BIRC3: variants seen among roughly 807,000 people sequenced by gnomAD.
BIRC3 encodes the protein baculoviral IAP repeat-containing protein 3.
BIRC3 carries 26 observed loss-of-function variants against 59.0 expected under a neutral mutation model. That is an observed-to-expected ratio of 0.44 (90% confidence interval 0.32 to 0.61). The LOEUF (loss-of-function observed/expected upper bound fraction) is 0.61, where lower values mean the gene tolerates loss of function less well. BIRC3 is among the 20% of genes least tolerant of loss of function. The pLI is 0.04. For missense variants in BIRC3, 641 were observed against 711.5 expected (o/e 0.90, Z 1.13); for synonymous variants, 243 against 249.2 (o/e 0.98, Z 0.24).
chr11:102,327,139 C>A (rs1951091305), intron 3 of BIRC3, among the ~76,000 whole-genome samples: 1 of 152,180 alleles, frequency 6.6e-6, no homozygotes, highest in Non-Finnish European at 1.5e-5. Flanking sequence ...ACCTGCCTTT[C>A]ACTGCAATAT....
In BIRC3 at chr11:102,324,411, G is replaced by T; in HGVS notation, c.-99G>T. 5 of 1,375,690 alleles carry T rather than the reference G, an allele frequency of 3.6e-6. No individual in the cohort carries two copies. The highest frequency in any genetic ancestry group is 1.5e-5 in the African/African-American group (1 of 68,592). 85.2% of individuals were successfully genotyped at this position (1,375,690 alleles called of 1,614,324 possible). A position where few individuals can be genotyped will look rare whatever the true frequency, so the allele number is the denominator to read the frequency against. ...AAATAATAAAAAATTTTTCATTTTG[G>T]CTTTTCAGCCTAGTATTAAAACTGA... On this transcript the variant is annotated 5_prime_UTR_variant, in exon 2 of 9. Transcript: ENST00000263464.
intron 1 of BIRC3, 86 bp downstream of exon 1, chr11:102,317,657 A>G (rs2135778581): frequency 6.5e-6 from 1 of 152,790 alleles, no homozygotes; most frequent in Middle Eastern, 3.3e-3. Context: ...CCCCTGGTGT[A>G]AGAGATGTGC....
chr11:102,318,041 A>T (rs1950989720), intron 1 of BIRC3, among the ~76,000 whole-genome samples: 1 of 152,198 alleles, frequency 6.6e-6, no homozygotes, highest in Admixed American at 6.5e-5. Flanking sequence ...GAAACCTAGT[A>T]GTGCTCTTAC....
chr11:102,325,566 G>A lies in BIRC3; in HGVS notation c.953+1G>A. 6.2e-7 allele frequency: 1 copy of A among 1,610,046 alleles called. No homozygotes were observed. Among genetic ancestry groups the A allele is most frequent in the Non-Finnish European group, 8.5e-7 (1 of 1,178,038 alleles). On this transcript the variant is annotated splice_donor_variant, in intron 3 of 8. Coordinates refer to ENST00000263464, the MANE Select transcript of BIRC3 (RefSeq NM_001165.5). LOFTEE classifies it high-confidence loss of function. The stretch of plus-strand genomic sequence containing the variant: ...TTCAACATGCCAAGTGGTTTCCAAG[G>A]TAATTGTTTTGAAATTCTCTTTGCA...
chr11:102,326,618 C>T, intron 3 of BIRC3: 1 of 422,950 alleles, frequency 2.4e-6, no homozygotes, highest in Non-Finnish European at 4.7e-6. Flanking sequence ...GAATACTGCA[C>T]TGGCAACAAG....
rs564647695 is a variant in BIRC3 at position 102,323,970 on chromosome 11, G to T, written c.-540G>T. The T allele has an allele frequency of 1.5e-5, 3 of 205,918 alleles. No homozygotes were observed. The highest frequency in any genetic ancestry group is 4.6e-5 in the African/African-American group (2 of 43,940). The allele number at this position is 205,918 out of a possible 1,614,324, so 12.8% of individuals were successfully genotyped here. On this transcript the variant is annotated 5_prime_UTR_variant, in exon 2 of 9. Coordinates refer to ENST00000263464, the MANE Select transcript of BIRC3 (RefSeq NM_001165.5). ...GTATTATTTTCCTCCTTTGAGTTAG[G>T]TCTTGTGCTTTTTTTTCCTGGCCAC...
rs1194596520 is a variant in BIRC3, at chr11:102,324,958, C to A, written c.449C>A (p.Ala150Glu). The A allele has an allele frequency of 8.7e-6, 14 of 1,614,150 alleles. No homozygotes were observed. The highest frequency in any genetic ancestry group is 1.2e-5 in the Non-Finnish European group (14 of 1,180,004). The change falls in exon 2 of 9, where the codon GCA becomes GAA. Residue 150 changes from alanine to glutamate, a missense_variant. Ala to Glu is a moderately radical substitution (Grantham distance 107). Coordinates refer to ENST00000263464, the MANE Select transcript of BIRC3 (RefSeq NM_001165.5). ...NSPSNPVNSR[A>E]NQDFSALMRS... ...CCATCAAATCCTGTAAACTCCAGAG[C>A]AAATCAAGATTTTTCTGCCTTGATG...
Position 102,331,310 on chromosome 11 carries a change from A to G in BIRC3, c.1324+69A>G, listed in dbSNP as rs1463505731. The G allele has an allele frequency of 5.6e-6, 8 of 1,426,812 alleles. No individual in the cohort carries two copies. The African/African-American group carries it at 1.0e-4, about 18-fold the overall frequency. 88.4% of individuals were successfully genotyped at this position (1,426,812 alleles called of 1,614,324 possible). On this transcript the variant is annotated intron_variant, in intron 6 of 8. Coordinates refer to ENST00000263464, the MANE Select transcript of BIRC3 (RefSeq NM_001165.5). ...TATCAGTCTATATGTTATGAAAAATATACTCATCTAGCATATCTGAAAATA... is the reference window on the plus strand; with the variant it reads ...TATCAGTCTATATGTTATGAAAAATGTACTCATCTAGCATATCTGAAAATA...
Position 102,336,949 on chromosome 11 carries a change from A to G in BIRC3, c.1662A>G (p.Glu554=). The G allele has an allele frequency of 6.2e-7, 1 of 1,603,578 alleles. No homozygotes were observed. Among genetic ancestry groups the G allele is most frequent in the South Asian group, 1.1e-5 (1 of 87,732 alleles). Reference sequence around the variant, plus strand: ...AACAATTGCGGAGACTACAAGAAGAAAGAACATGTAAAGTGTGTATGGACA... The same window carrying G: ...AACAATTGCGGAGACTACAAGAAGAGAGAACATGTAAAGTGTGTATGGACA... ...VEEQLRRLQE[E]RTCKVCMDKE... Residue 554 remains glutamate (E), a synonymous_variant, in exon 9 of 9, where the codon GAA becomes GAG. Transcript: ENST00000263464.
Position 102,325,374 on chromosome 11 carries a change from A to C in BIRC3, c.853+12A>C. 6.3e-7 allele frequency: 1 copy of C among 1,588,494 alleles called. No individual in the cohort carries two copies. Among genetic ancestry groups the C allele is most frequent in the African/African-American group, 1.4e-5 (1 of 73,516 alleles). ...TTTTTATTATGTGGGTAAGAAACTGAATCTGCTAATTAAAAAAAATATATT... is the reference window on the plus strand; with the variant it reads ...TTTTTATTATGTGGGTAAGAAACTGCATCTGCTAATTAAAAAAAATATATT... On this transcript the variant is annotated intron_variant, in intron 2 of 8. Transcript: ENST00000263464.
chr11:102,319,461 G>A (rs968501363), intron 1 of BIRC3, among the ~76,000 whole-genome samples: 2 of 152,176 alleles, frequency 1.3e-5, no homozygotes, highest in Non-Finnish European at 2.9e-5. Context: ...AGCAATGAGG[G>A]GATGGGATTA....
chr11:102,325,715 T>A, intron 3 of BIRC3, 150 bp downstream of exon 3: 1 of 703,876 alleles, frequency 1.4e-6, no homozygotes, highest in Non-Finnish European at 2.1e-6. Flanking sequence ...AATACTTACT[T>A]AAAAAGTTTC....
In BIRC3 at chr11:102,325,620, A is replaced by G. The variant is rs1591520868; in HGVS notation, c.953+55A>G. The G allele has an allele frequency of 2.0e-6, 3 of 1,510,866 alleles. No individual in the cohort carries two copies. In the South Asian group the frequency reaches 3.5e-5, roughly 18 times the overall value. 93.6% of individuals were successfully genotyped at this position (1,510,866 alleles called of 1,614,324 possible). A position where few individuals can be genotyped will look rare whatever the true frequency, so the allele number is the denominator to read the frequency against. ...TCTTGTGATTATCATGAGATTGCTT[A>G]TATGTGTTCACCTGAAATCAGTTGT... is the stretch of plus-strand genomic sequence containing the variant. On this transcript the variant is annotated intron_variant, in intron 3 of 8. Transcript: ENST00000263464.
rs1373526524 is a variant in BIRC3 at position 102,339,319 on chromosome 11, C to CCAA, written c.*2219_*2221dup. ...TTATGGTAATAAATAGCTATTATAA[C>CCAA]CAACCCATTTATTCAAATATGTTAT... On this transcript the variant is annotated 3_prime_UTR_variant, in exon 9 of 9. Transcript: ENST00000263464. The CCAA allele has an allele frequency of 1.1e-5, 2 of 182,180 alleles. No homozygotes were observed. Among genetic ancestry groups the CCAA allele is most frequent in the African/African-American group, 2.4e-5 (1 of 42,334 alleles). The allele number at this position is 182,180 out of a possible 1,614,324, so 11.3% of individuals were successfully genotyped here.
At chr11:102,333,895 G>A (rs1426109774) in intron 6 of BIRC3, among the ~76,000 whole-genome samples, 1 of 152,188 alleles carries the variant, frequency 6.6e-6, no homozygotes, top group Non-Finnish European at 1.5e-5. Context: ...GAGCCCAGGA[G>A]TTTGAGACCA....
rs1178033013 is a variant in BIRC3, at chr11:102,317,571, G to T, written c.-2674G>T. ...ATGCGTCGTCGGCCTCTGGGCAGCA[G>T]GTGGGCAAGGAAGGCTGGTGTGTGT... On this transcript the variant is annotated splice_region_variant and 5_prime_UTR_variant, in exon 1 of 9. In the 5' UTR this introduces an upstream ATG that the reference lacks. Transcript: ENST00000263464. 1 of 153,652 alleles carries T rather than the reference G, an allele frequency of 6.5e-6. No homozygotes were observed. The highest frequency in any genetic ancestry group is 1.4e-5 in the Non-Finnish European group (1 of 69,210). The allele number at this position is 153,652 out of a possible 1,614,324, so 9.5% of individuals were successfully genotyped here.
In BIRC3 at chr11:102,338,365, C is replaced by T. The variant is rs563182041; in HGVS notation, c.*1263C>T. The T allele has an allele frequency of 2.6e-5, 6 of 228,556 alleles. No homozygotes were observed. The highest frequency in any genetic ancestry group is 1.3e-4 in the African/African-American group (6 of 45,166). The allele number at this position is 228,556 out of a possible 1,614,324, so 14.2% of individuals were successfully genotyped here. On this transcript the variant is annotated 3_prime_UTR_variant, in exon 9 of 9. Transcript: ENST00000263464. Reference sequence around the variant, plus strand: ...GGGAAAGACCCCTTCATAAGGGTCACAGCTGACAATCCTATAACAAAAGAC... The same window carrying T: ...GGGAAAGACCCCTTCATAAGGGTCATAGCTGACAATCCTATAACAAAAGAC...
chr11:102,317,948 C>T (rs563764177), intron 1 of BIRC3, among the ~76,000 whole-genome samples: 2 of 152,280 alleles, frequency 1.3e-5, no homozygotes, highest in Admixed American at 1.3e-4. Flanking sequence ...GGAAGTAAAA[C>T]GTTTAATGAG....
chr11:102,317,954 A>C (rs768417899), intron 1 of BIRC3, among the ~76,000 whole-genome samples: 3 of 152,318 alleles, frequency 2.0e-5, no homozygotes, highest in African/African-American at 7.2e-5. Context: ...AAAACGTTTA[A>C]TGAGCAAATG....
Sources: allele counts gnomAD v4.1 joint callset (sites outside exome capture counted in the v4.1 genomes callset), GRCh38; gene constraint gnomAD v4.1.1; transcripts MANE v1.5; gene names NCBI Gene and HGNC (gene_info 2026-07-23, HGNC 2026-07-21).